HIP1R: variants seen among roughly 807,000 people sequenced by gnomAD.
The protein encoded by HIP1R is huntingtin-interacting protein 1-related protein.
In HIP1R, 135 loss-of-function variants were observed where a neutral mutation model predicts 144.2. The observed-to-expected ratio is 0.94, with a 90% CI of 0.81 to 1.08. The LOEUF (loss-of-function observed/expected upper bound fraction) is 1.08. Ranked by LOEUF, HIP1R falls within the 50% of genes least tolerant of loss-of-function variation. The pLI is 0.00. For missense variants in HIP1R, 1,462 were observed against 1,432.8 expected (o/e 1.02, Z -0.33); for synonymous variants, 698 against 612.8 (o/e 1.14, Z -2.05).
At chr12:122,837,467 C>T (rs137890939) in intron 1 of HIP1R, among the ~76,000 whole-genome samples, 69 of 152,230 alleles carry the variant, frequency 4.5e-4, no homozygotes, top group African/African-American at 1.4e-3. Flanking sequence ...TACAAGCGTG[C>T]GCCACCACAC....
At chr12:122,849,075 C>T (rs535929768) in intron 4 of HIP1R, among the ~76,000 whole-genome samples, 24 of 152,374 alleles carry the variant, frequency 1.6e-4, no homozygotes, top group African/African-American at 5.3e-4. Context: ...CGAAGTCACC[C>T]GGGCCCTTTA....
upstream of HIP1R, chr12:122,834,756 T>G: frequency 2.7e-6 from 1 of 372,894 alleles, no homozygotes; most frequent in Admixed American, 3.4e-5. Context: ...CCATTGTCCC[T>G]GGAGCTGGCG....
chr12:122,852,833 G>A (rs1419870004), intron 7 of HIP1R, among the ~76,000 whole-genome samples: 2 of 152,286 alleles, frequency 1.3e-5, no homozygotes, highest in Non-Finnish European at 2.9e-5. Context: ...ATGGACATAC[G>A]TGTTGAAGAT....
chr12:122,854,572 G>A (rs1380664125), intron 8 of HIP1R, among the ~76,000 whole-genome samples: 1 of 152,186 alleles, frequency 6.6e-6, no homozygotes, highest in Non-Finnish European at 1.5e-5. Context: ...TCCCTCGACC[G>A]CACTTTGAGA....
chr12:122,847,986 G>A lies in HIP1R; in HGVS notation c.94-45G>A, dbSNP rs2033259540. The A allele has an allele frequency of 3.8e-6, 6 of 1,599,090 alleles. No homozygotes were observed. In the East Asian group the frequency reaches 1.1e-4, roughly 30 times the overall value. On this transcript the variant is annotated intron_variant, in intron 1 of 31. Transcript: ENST00000253083. ...TCCCCCTTGGGGTGGTGTCTCCTGG[G>A]GTGGCTGCCTGGGGCTCTAAACACT...
At chr12:122,855,030 C>T (rs757728991) in intron 9 of HIP1R, 23 bp from the exon 10 acceptor site, 12 of 1,613,828 alleles carry the variant, frequency 7.4e-6, no homozygotes, top group Admixed American at 3.3e-5. Context: ...TTCCTGAACC[C>T]GAACTTCCCA....
At chr12:122,854,454 TC>T (rs2033500211) in intron 8 of HIP1R, among the ~76,000 whole-genome samples, 2 of 151,758 alleles carry the variant, frequency 1.3e-5, no homozygotes, top group Admixed American at 1.3e-4. Flanking sequence ...CCCCAGCTGC[TC>T]CCAGGAATCT....
intron 1 of HIP1R, among the ~76,000 whole-genome samples, chr12:122,842,167 G>T (rs2033076106): frequency 6.6e-6 from 1 of 152,140 alleles, no homozygotes; most frequent in Admixed American, 6.6e-5. Context: ...CAACTCTTTG[G>T]AAATGTTAAA....
rs2033787647 is a variant in HIP1R at position 122,862,056 on chromosome 12, T to C, written c.*303T>C. The C allele has an allele frequency of 2.5e-6, 1 of 400,386 alleles. No homozygotes were observed. The highest frequency in any genetic ancestry group is 4.4e-6 in the Non-Finnish European group (1 of 225,320). 24.8% of individuals were successfully genotyped at this position (400,386 alleles called of 1,614,324 possible). On this transcript the variant is annotated 3_prime_UTR_variant, in exon 32 of 32. Coordinates refer to ENST00000253083, the MANE Select transcript of HIP1R (RefSeq NM_003959.3). The stretch of plus-strand genomic sequence containing the variant: ...GTTTTTAATATTCCTCTTCAGAAAA[T>C]AGTGTTTTTAATATTCCGAGCTAGA...
intron 5 of HIP1R, chr12:122,850,269 T>C: frequency 1.8e-6 from 1 of 546,968 alleles, no homozygotes; most frequent in Non-Finnish European, 3.5e-6. Context: ...TCCACTGCCC[T>C]CTGCCACCTA....
At chr12:122,839,604 T>G (rs770169095) in intron 1 of HIP1R, among the ~76,000 whole-genome samples, 1 of 152,188 alleles carries the variant, frequency 6.6e-6, no homozygotes. Flanking sequence ...CGGCACACAG[T>G]AGAGCAGTGT....
At position 122,859,069 on chromosome 12, in the gene HIP1R, G is replaced by A. The variant is rs755875417; in HGVS notation, c.2167G>A (p.Asp723Asn). The change falls in exon 22 of 32, where the codon GAC becomes AAC. Residue 723 changes from aspartate (D) to asparagine (N), a missense_variant. Coordinates refer to ENST00000253083, the MANE Select transcript of HIP1R (RefSeq NM_003959.3). Reference protein sequence around the residue: ...APTDPADRLIDTCRECGARAL... With the variant: ...APTDPADRLINTCRECGARAL... ...GTCCTTTCTCACCCCAGGCCTCATA[G>A]ACACCTGCAGGGAGTGCGGGGCCCG... 3 of 1,606,218 alleles carry A rather than the reference G, an allele frequency of 1.9e-6. No individual in the cohort carries two copies. Among genetic ancestry groups the A allele is most frequent in the Admixed American group, 1.7e-5 (1 of 59,042 alleles).
chr12:122,850,947 C>G (rs2135656100), intron 6 of HIP1R, 36 bp downstream of exon 6: 2 of 1,567,932 alleles, frequency 1.3e-6, no homozygotes, highest in South Asian at 2.3e-5. Context: ...GCCAGTTCCC[C>G]TCGGCTTCCC....
intron 1 of HIP1R, among the ~76,000 whole-genome samples, chr12:122,847,689 C>T (rs2033248894): frequency 6.6e-6 from 1 of 152,202 alleles, no homozygotes; most frequent in Admixed American, 6.5e-5. Flanking sequence ...GGCCGGAGGA[C>T]ACCACACTGG....
At chr12:122,842,273 G>A (rs141659726) in intron 1 of HIP1R, among the ~76,000 whole-genome samples, 2 of 152,312 alleles carry the variant, frequency 1.3e-5, no homozygotes, top group East Asian at 1.9e-4. Context: ...TAGGTGCCAC[G>A]ATAATACAGC....
Position 122,862,227 on chromosome 12 carries a change from G to T in HIP1R, c.*474G>T. ...GGGACGAGGGTCAGGCATCCTGTCT[G>T]TGGCCTTCTGGGGCACCGATTCTAC... On this transcript the variant is annotated 3_prime_UTR_variant, in exon 32 of 32. Coordinates refer to ENST00000253083, the MANE Select transcript of HIP1R (RefSeq NM_003959.3). 1 of 160,392 alleles carries T rather than the reference G, an allele frequency of 6.2e-6. No individual in the cohort carries two copies. Among genetic ancestry groups the T allele is most frequent in the Non-Finnish European group, 1.4e-5 (1 of 73,888 alleles). The allele number at this position is 160,392 out of a possible 1,614,324, so 9.9% of individuals were successfully genotyped here. A position where few individuals can be genotyped will look rare whatever the true frequency, so the allele number is the denominator to read the frequency against.
intron 1 of HIP1R, among the ~76,000 whole-genome samples, chr12:122,846,617 G>A (rs1022962528): frequency 2.6e-5 from 4 of 152,196 alleles, no homozygotes; most frequent in Admixed American, 6.5e-5. Context: ...TCCTCAGGTC[G>A]TGGTTCCTTG....
Position 122,848,858 on chromosome 12 carries a change from T to C in HIP1R, c.357+6T>C, listed in dbSNP as rs762419006. 1.1e-5 allele frequency: 17 copies of C among 1,613,076 alleles called. No individual in the cohort carries two copies. The South Asian group carries it at 1.9e-4, about 18-fold the overall frequency. ...GGGAGATTGGAGACCTGTGGGTAGG[T>C]CCAGCCATTCTAGGTCCTGCCTGGC... On this transcript the variant is annotated splice_donor_region_variant and intron_variant, in intron 4 of 31. Transcript: ENST00000253083.
At chr12:122,835,133 G>A (rs1396976112), upstream of HIP1R, 6 of 712,072 alleles carry the variant, frequency 8.4e-6, no homozygotes, top group East Asian at 4.2e-4. Flanking sequence ...GGGGATTAGA[G>A]GTGGGGAGGA....
Sources: gnomAD v4.1 joint callset for allele counts (sites outside exome capture counted in the v4.1 genomes callset) on GRCh38, gnomAD v4.1.1 for gene constraint, MANE v1.5 for transcripts, NCBI Gene and HGNC (gene_info 2026-07-23, HGNC 2026-07-21) for gene names.